The following PRICKLE1 variants were observed in gnomAD, a reference collection of about 807,000 sequenced individuals.
PRICKLE1 encodes prickle-like protein 1.
In PRICKLE1, 14 loss-of-function variants were observed where a neutral mutation model predicts 70.2. The ratio of observed to expected loss-of-function variants is 0.20; its 90% CI spans 0.13 to 0.31. The LOEUF (loss-of-function observed/expected upper bound fraction) is 0.31, where lower values mean the gene tolerates loss of function less well. Ranked by LOEUF, PRICKLE1 falls within the 10% of genes least tolerant of loss-of-function variation. PRICKLE1 has a pLI of 1.00. For missense variants in PRICKLE1, 821 were observed against 1,026.2 expected (o/e 0.80, Z 2.73); for synonymous variants, 357 against 379.9 (o/e 0.94, Z 0.70).
At chr12:42,553,904 A>C (rs1002897588) in intron 1 of PRICKLE1, among the ~76,000 whole-genome samples, 4 of 152,064 alleles carry the variant, frequency 2.6e-5, no homozygotes, top group Non-Finnish European at 5.9e-5. Flanking sequence ...GAAGTTAGAG[A>C]CCAGCCTGGC....
intron 1 of PRICKLE1, among the ~76,000 whole-genome samples, chr12:42,474,122 A>T (rs1593117991): frequency 1.3e-5 from 2 of 152,182 alleles, no homozygotes; most frequent in East Asian, 3.9e-4. Flanking sequence ...AAACACAAAA[A>T]TTAGCCAGGC....
chr12:42,589,740 G>T lies in PRICKLE1; in HGVS notation c.-324C>A, dbSNP rs561895960. ...CGGCGCTGGCAGCTGGGCTGCAGGC[G>T]GAGTGCGCTCGGGCTCCGGAGCCGC... is the stretch of plus-strand genomic sequence containing the variant. On this transcript the variant is annotated 5_prime_UTR_variant, in exon 1 of 8. Coordinates refer to ENST00000345127, the MANE Select transcript of PRICKLE1 (RefSeq NM_153026.3). This position sits in a 1 kb window ranked among gnomAD's most constrained non-coding sequence, Gnocchi z 5.0. 14 of 148,580 alleles carry T rather than the reference G, an allele frequency of 9.4e-5. No individual in the cohort carries two copies. In the East Asian group the frequency reaches 1.6e-3, roughly 17 times the overall value. 9.2% of individuals were successfully genotyped at this position (148,580 alleles called of 1,614,324 possible).
rs534763969 is a variant in PRICKLE1, at chr12:42,462,734, C to T, written c.1639+1661G>A. The stretch of plus-strand genomic sequence containing the variant: ...GAAGCAGCTACTAAGCCTTTCCTGT[C>T]TACATTACAGAAGCATTACCTTCAT... On this transcript the variant is annotated intron_variant, in intron 7 of 7. Coordinates refer to ENST00000345127, the MANE Select transcript of PRICKLE1 (RefSeq NM_153026.3). Among the ~76,000 whole-genome samples the T allele has an allele frequency of 4.3e-4, 66 of 152,264 alleles. 1 individual carries two copies. Among genetic ancestry groups the T allele is most frequent in the African/African-American group, 1.5e-3 (63 of 41,566 alleles).
intron 1 of PRICKLE1, among the ~76,000 whole-genome samples, chr12:42,556,610 C>A (rs543683104): frequency 1.3e-5 from 2 of 152,046 alleles, no homozygotes; most frequent in African/African-American, 4.8e-5. Context: ...GGATCCAGTA[C>A]GAAGTAGGGA....
chr12:42,544,071 A>T (rs1020779230), intron 1 of PRICKLE1, among the ~76,000 whole-genome samples: 11 of 48,784 alleles, frequency 2.3e-4, no homozygotes, highest in African/African-American at 8.2e-4. Flanking sequence ...AAGGAAGAGA[A>T]GAAGGGGCTG....
chr12:42,540,575 T>C (rs1310256910), intron 1 of PRICKLE1, among the ~76,000 whole-genome samples: 4 of 152,056 alleles, frequency 2.6e-5, no homozygotes, highest in Admixed American at 2.0e-4. Context: ...ATATATATAG[T>C]TTTTGAGATG....
At chr12:42,549,643 C>A (rs927207699) in intron 1 of PRICKLE1, among the ~76,000 whole-genome samples, 2 of 152,162 alleles carry the variant, frequency 1.3e-5, no homozygotes, top group Non-Finnish European at 2.9e-5. Context: ...CCCTCTCTTC[C>A]CTAGCTTGTG....
chr12:42,575,020 T>C lies in PRICKLE1; in HGVS notation c.-49+14445A>G, dbSNP rs1265104451. On this transcript the variant is annotated intron_variant, in intron 1 of 7. Transcript: ENST00000345127. ...GACATTCAGGCTTCTTTTTTTTTTT[T>C]CAACCATTAGCTTTCATGGAAAGCT... is the stretch of plus-strand genomic sequence containing the variant. Among the ~76,000 whole-genome samples the C allele has an allele frequency of 2.6e-5, 4 of 151,616 alleles. No individual in the cohort carries two copies. In the East Asian group the frequency reaches 5.8e-4, roughly 22 times the overall value.
At chr12:42,488,287 G>A (rs1455552968) in intron 1 of PRICKLE1, among the ~76,000 whole-genome samples, 1 of 152,176 alleles carries the variant, frequency 6.6e-6, no homozygotes, top group East Asian at 1.9e-4. Flanking sequence ...CCAGATAGGT[G>A]TTTACAGCTG....
At chr12:42,525,689 G>C (rs1328238949) in intron 1 of PRICKLE1, among the ~76,000 whole-genome samples, 1 of 151,316 alleles carries the variant, frequency 6.6e-6, no homozygotes, top group East Asian at 1.9e-4. Context: ...TGTTGTGAGT[G>C]AGAGAATAGC....
At chr12:42,499,604 A>G (rs1246063135) in intron 1 of PRICKLE1, among the ~76,000 whole-genome samples, 1 of 152,060 alleles carries the variant, frequency 6.6e-6, no homozygotes, top group Non-Finnish European at 1.5e-5. Flanking sequence ...TATTTTTAGT[A>G]GAGACGAGGT....
chr12:42,564,163 C>A (rs1940578545), intron 1 of PRICKLE1, among the ~76,000 whole-genome samples: 1 of 146,192 alleles, frequency 6.8e-6, no homozygotes, highest in Non-Finnish European at 1.5e-5. Flanking sequence ...GAGGCTGAGG[C>A]AGGAGAATCG....
chr12:42,509,156 A>G (rs1402139510), intron 1 of PRICKLE1, among the ~76,000 whole-genome samples: 1 of 152,290 alleles, frequency 6.6e-6, no homozygotes, highest in South Asian at 2.1e-4. Context: ...GCAGCCACAC[A>G]AGGACTTTTT....
intron 1 of PRICKLE1, among the ~76,000 whole-genome samples, chr12:42,473,916 T>A (rs1221723502): frequency 6.6e-6 from 1 of 152,198 alleles, no homozygotes; most frequent in African/African-American, 2.4e-5. Flanking sequence ...GACTAAGTCA[T>A]TTTTCAGTGA....
intron 1 of PRICKLE1, among the ~76,000 whole-genome samples, chr12:42,521,221 G>A (rs750307526): frequency 4.6e-5 from 7 of 152,028 alleles, no homozygotes; most frequent in Non-Finnish European, 1.0e-4. Flanking sequence ...TAGAGTCTCT[G>A]TAGGCAATTT....
chr12:42,559,423 C>T (rs1214112626), intron 1 of PRICKLE1, among the ~76,000 whole-genome samples: 2 of 151,950 alleles, frequency 1.3e-5, no homozygotes, highest in South Asian at 2.1e-4. Context: ...CTCTGTTGCC[C>T]AGGCTGGAGT....
chr12:42,586,231 T>A (rs1024338931), intron 1 of PRICKLE1, among the ~76,000 whole-genome samples: 2 of 152,156 alleles, frequency 1.3e-5, no homozygotes, highest in African/African-American at 2.4e-5. Flanking sequence ...ATCTTAATAT[T>A]CTCTCACTAA....
intron 1 of PRICKLE1, among the ~76,000 whole-genome samples, chr12:42,568,211 AT>A (rs1343919606): frequency 3.7e-4 from 56 of 152,266 alleles, no homozygotes; most frequent in African/African-American, 1.1e-3. Flanking sequence ...GTCTGGCTCT[AT>A]TGCCCAGGCT....
At chr12:42,481,796 C>G (rs1938803776) in intron 1 of PRICKLE1, among the ~76,000 whole-genome samples, 1 of 152,200 alleles carries the variant, frequency 6.6e-6, no homozygotes, top group Admixed American at 6.5e-5. Flanking sequence ...ATGTCCTTAA[C>G]TTCAATCGAG....
Sources: allele counts gnomAD v4.1 joint callset (sites outside exome capture counted in the v4.1 genomes callset), GRCh38; gene constraint gnomAD v4.1.1; non-coding constraint Gnocchi (gnomAD v3.1); transcripts MANE v1.5; gene names NCBI Gene and HGNC (gene_info 2026-07-23, HGNC 2026-07-21).